Variants in COP1 observed in about 807,000 individuals in gnomAD.
The protein encoded by COP1 is E3 ubiquitin-protein ligase COP1.
In COP1, 24 loss-of-function variants were observed where a neutral mutation model predicts 101.3. The ratio of observed to expected loss-of-function variants is 0.24; its 90% confidence interval spans 0.17 to 0.33. The LOEUF (loss-of-function observed/expected upper bound fraction) is 0.33. COP1 is among the 10% of genes least tolerant of loss of function. COP1 has a pLI of 1.00. For missense variants in COP1, 663 were observed against 906.2 expected (o/e 0.73, Z 3.45); for synonymous variants, 347 against 341.9 (o/e 1.01, Z -0.17).
chr1:176,133,150 G>A (rs1236749985), intron 8 of COP1, among the ~76,000 whole-genome samples: 2 of 137,866 alleles, frequency 1.5e-5, no homozygotes, highest in African/African-American at 2.6e-5. Flanking sequence ...ACGTATATAC[G>A]TACATATATA....
At chr1:176,019,276 A>G (rs1666258095) in intron 15 of COP1, among the ~76,000 whole-genome samples, 2 of 151,716 alleles carry the variant, frequency 1.3e-5, no homozygotes, top group African/African-American at 4.8e-5. Flanking sequence ...AAGCCTGACA[A>G]ATGTGGTGAA....
chr1:176,001,137 ACT>A (rs1354943944), intron 15 of COP1, among the ~76,000 whole-genome samples: 3 of 152,068 alleles, frequency 2.0e-5, no homozygotes, highest in Non-Finnish European at 4.4e-5. Flanking sequence ...TTACATGAAC[ACT>A]CTCTTCAAGG....
At chr1:176,053,800 A>T (rs1279310477) in intron 11 of COP1, among the ~76,000 whole-genome samples, 1 of 152,124 alleles carries the variant, frequency 6.6e-6, no homozygotes, top group Non-Finnish European at 1.5e-5. Context: ...TCCCAACATA[A>T]ATTACATGGC....
chr1:176,186,061 A>G (rs187781111), intron 1 of COP1, among the ~76,000 whole-genome samples: 1 of 152,272 alleles, frequency 6.6e-6, no homozygotes. Context: ...TAATAATAAG[A>G]GGACACACCA....
chr1:175,982,291 T>A (rs999911298), intron 18 of COP1: 1 of 447,436 alleles, frequency 2.2e-6, no homozygotes, highest in Non-Finnish European at 4.5e-6. Flanking sequence ...TAAGTGCCCA[T>A]CAACAAATAA....
At chr1:176,013,269 C>G (rs532614059) in intron 15 of COP1, among the ~76,000 whole-genome samples, 16 of 151,906 alleles carry the variant, frequency 1.1e-4, no homozygotes, top group African/African-American at 3.9e-4. Flanking sequence ...GTAACTCATC[C>G]CAAAAATATA....
rs147786305 is a variant in COP1, at chr1:175,963,853, T to C, written c.2134-16614A>G. 4.0e-3 allele frequency among the ~76,000 whole-genome samples: 602 copies of C among 152,326 alleles called. 2 individuals carry two copies. The highest frequency in any genetic ancestry group is 0.017 in the Middle Eastern group (5 of 294). ...TCTTTCATTTGGGTTCATACTATAGTTATTTATGAATATTTCTATTTACTA... is the reference window on the plus strand; with the variant it reads ...TCTTTCATTTGGGTTCATACTATAGCTATTTATGAATATTTCTATTTACTA... On this transcript the variant is annotated intron_variant, in intron 18 of 19. Transcript: ENST00000367669.
chr1:176,187,455 C>T (rs1698617552), intron 1 of COP1, among the ~76,000 whole-genome samples: 1 of 151,742 alleles, frequency 6.6e-6, no homozygotes, highest in Non-Finnish European at 1.5e-5. Flanking sequence ...CCTTATGTTG[C>T]TCAGGCTGTT....
At position 176,154,194 on chromosome 1, in the gene COP1, G is replaced by A. The variant is rs187237243; in HGVS notation, c.763-5120C>T. 1.7e-3 allele frequency among the ~76,000 whole-genome samples: 256 copies of A among 152,148 alleles called. 1 individual carries two copies. The highest frequency in any genetic ancestry group is 5.9e-3 in the African/African-American group (245 of 41,510). ...CAGCTTTTCTTTGTATATCTGGCAGGGCTACTTATTACTGATTTAATTTTG... is the reference window on the plus strand; with the variant it reads ...CAGCTTTTCTTTGTATATCTGGCAGAGCTACTTATTACTGATTTAATTTTG... On this transcript the variant is annotated intron_variant, in intron 5 of 19. Transcript: ENST00000367669.
At chr1:176,169,674 T>C (rs191250676) in intron 3 of COP1, among the ~76,000 whole-genome samples, 347 of 152,346 alleles carry the variant, frequency 2.3e-3, no homozygotes, top group Non-Finnish European at 3.5e-3. Flanking sequence ...CATAATCTTT[T>C]TGCTGGTAGA....
At chr1:175,973,669 C>T (rs1021833608) in intron 18 of COP1, among the ~76,000 whole-genome samples, 3 of 152,094 alleles carry the variant, frequency 2.0e-5, no homozygotes, top group Non-Finnish European at 4.4e-5. Context: ...TTGAAAAACA[C>T]CCCCATTAGA....
At chr1:176,025,412 G>T (rs1331119942) in intron 15 of COP1, among the ~76,000 whole-genome samples, 1 of 134,056 alleles carries the variant, frequency 7.5e-6, no homozygotes, top group Admixed American at 7.6e-5. Flanking sequence ...AAGGTCCCAA[G>T]ATACAAAACA....
At chr1:176,085,042 T>C (rs898295731) in intron 10 of COP1, among the ~76,000 whole-genome samples, 1 of 152,108 alleles carries the variant, frequency 6.6e-6, no homozygotes, top group Non-Finnish European at 1.5e-5. Context: ...AAGAACAGAG[T>C]TAAGAAAAAG....
intron 3 of COP1, among the ~76,000 whole-genome samples, chr1:176,175,354 C>G (rs1161449824): frequency 6.6e-6 from 1 of 152,198 alleles, no homozygotes; most frequent in Non-Finnish European, 1.5e-5. Flanking sequence ...CAGTCCCCAA[C>G]CTTTTTGGGA....
intron 6 of COP1, among the ~76,000 whole-genome samples, chr1:176,141,191 G>A (rs887310243): frequency 6.6e-6 from 1 of 152,112 alleles, no homozygotes; most frequent in African/African-American, 2.4e-5. Context: ...ACTTTCAATG[G>A]GGAAAAGCTG....
chr1:176,027,237 A>AAT (rs1667826753), intron 15 of COP1, among the ~76,000 whole-genome samples: 1 of 152,232 alleles, frequency 6.6e-6, no homozygotes, highest in South Asian at 2.1e-4. Flanking sequence ...GTGCCTATAC[A>AAT]ATATAGCTTA....
chr1:176,020,645 C>A (rs1389267930), intron 15 of COP1, among the ~76,000 whole-genome samples: 1 of 152,150 alleles, frequency 6.6e-6, no homozygotes, highest in Non-Finnish European at 1.5e-5. Context: ...CCACTGCACT[C>A]CAGCCTAGGC....
At chr1:176,155,654 C>G (rs949661618) in intron 5 of COP1, among the ~76,000 whole-genome samples, 3 of 151,824 alleles carry the variant, frequency 2.0e-5, no homozygotes, top group East Asian at 3.9e-4. Flanking sequence ...AGAACAGATC[C>G]TCTTGTTGCA....
At position 175,944,880 on chromosome 1, in the gene COP1, A is replaced by G. The variant is rs900586072; in HGVS notation, c.*273T>C. On this transcript the variant is annotated 3_prime_UTR_variant, in exon 20 of 20. Coordinates refer to ENST00000367669, the MANE Select transcript of COP1 (RefSeq NM_022457.7). The stretch of plus-strand genomic sequence containing the variant: ...TTTGTTATTTATTTTTATTCAAAAG[A>G]ATTTGTTTCCCTATCACAAAAATTA... The G allele has an allele frequency of 2.4e-6, 1 of 414,034 alleles. No homozygotes were observed. Among genetic ancestry groups the G allele is most frequent in the African/African-American group, 2.1e-5 (1 of 48,120 alleles). 25.6% of individuals were successfully genotyped at this position (414,034 alleles called of 1,614,324 possible). A position where few individuals can be genotyped will look rare whatever the true frequency, so the allele number is the denominator to read the frequency against.
Sources: gnomAD v4.1 joint callset for allele counts (sites outside exome capture counted in the v4.1 genomes callset) on GRCh38, gnomAD v4.1.1 for gene constraint, MANE v1.5 for transcripts, NCBI Gene and HGNC (gene_info 2026-07-23, HGNC 2026-07-21) for gene names.